The following PCNX2 variants were observed in gnomAD, a reference collection of about 807,000 sequenced individuals.
PCNX2 encodes the protein pecanex-like protein 2.
In PCNX2, 168 loss-of-function variants were observed where a neutral mutation model predicts 223.8. The observed-to-expected ratio is 0.75, with a 90% confidence interval of 0.66 to 0.85. The LOEUF is 0.85. PCNX2 is among the 40% of genes least tolerant of loss of function. The pLI is 0.00. For synonymous variants in PCNX2, 1,006 were observed against 1,052.6 expected (o/e 0.96, Z 0.86); for missense variants, 2,507 against 2,675.5 (o/e 0.94, Z 1.39).
At chr1:233,289,792 C>T (rs1291540371) in intron 1 of PCNX2, among the ~76,000 whole-genome samples, 1 of 150,292 alleles carries the variant, frequency 6.7e-6, no homozygotes, top group Non-Finnish European at 1.5e-5. Context: ...ACAGAGGTAA[C>T]CTTTTGAGAA....
At chr1:233,292,602 C>T (rs185565406) in intron 1 of PCNX2, among the ~76,000 whole-genome samples, 10 of 152,254 alleles carry the variant, frequency 6.6e-5, no homozygotes, top group African/African-American at 9.6e-5. Flanking sequence ...TGTCAGTAAG[C>T]AGTCAGGTAT....
At chr1:233,053,319 C>G (rs1672073299) in intron 25 of PCNX2, among the ~76,000 whole-genome samples, 1 of 152,062 alleles carries the variant, frequency 6.6e-6, no homozygotes, top group Non-Finnish European at 1.5e-5. Context: ...GTATCAGTCC[C>G]TGCACTGGGG....
chr1:233,275,913 C>G lies in PCNX2; in HGVS notation c.154-12750G>C, dbSNP rs190241000. Among the ~76,000 whole-genome samples, 141 of 152,008 alleles carry G rather than the reference C, an allele frequency of 9.3e-4. 1 individual carries two copies. The highest frequency in any genetic ancestry group is 3.2e-3 in the African/African-American group (133 of 41,466). On this transcript the variant is annotated intron_variant, in intron 1 of 33. Transcript: ENST00000258229. ...GGCATGGTGGTGTGTGCCTGTAATC[C>G]CAGCTAATCAGAAGGCTGAGGCAGG...
intron 25 of PCNX2, among the ~76,000 whole-genome samples, chr1:233,030,952 C>T (rs1387990380): frequency 6.6e-6 from 1 of 152,204 alleles, no homozygotes; most frequent in Non-Finnish European, 1.5e-5. Context: ...AGTCCACATA[C>T]TTCAGCAGCC....
chr1:233,252,511 T>C lies in PCNX2; in HGVS notation c.1983-12A>G, dbSNP rs777316226. On this transcript the variant is annotated splice_polypyrimidine_tract_variant and intron_variant, in intron 6 of 33. Coordinates refer to ENST00000258229, the MANE Select transcript of PCNX2 (RefSeq NM_014801.4). Reference sequence around the variant, plus strand: ...TATTGCCCTGAAAACTTAACACATATAAAAGTTTCAAAAAAAATGATTAGA... The same window carrying C: ...TATTGCCCTGAAAACTTAACACATACAAAAGTTTCAAAAAAAATGATTAGA... The C allele has an allele frequency of 6.3e-7, 1 of 1,590,144 alleles. No individual in the cohort carries two copies. Among genetic ancestry groups the C allele is most frequent in the South Asian group, 1.1e-5 (1 of 88,208 alleles).
intron 25 of PCNX2, among the ~76,000 whole-genome samples, chr1:233,040,027 T>C (rs887777603): frequency 6.6e-6 from 1 of 152,174 alleles, no homozygotes; most frequent in African/African-American, 2.4e-5. Context: ...CACAAGGAAA[T>C]ACTGAGAAAT....
At chr1:233,035,981 T>A in intron 25 of PCNX2, among the ~76,000 whole-genome samples, 1 of 152,268 alleles carries the variant, frequency 6.6e-6, no homozygotes, top group Non-Finnish European at 1.5e-5. Context: ...AATTCTAAAT[T>A]TGTATTGCCT....
At chr1:233,237,115 T>G in intron 8 of PCNX2, 135 bp from the exon 9 acceptor site, 1 of 1,121,442 alleles carries the variant, frequency 8.9e-7, no homozygotes. Flanking sequence ...ACATAAACAG[T>G]TAAGAGTTTA....
intron 15 of PCNX2, among the ~76,000 whole-genome samples, chr1:233,194,861 C>T (rs966945184): frequency 2.6e-5 from 4 of 151,676 alleles, no homozygotes; most frequent in Non-Finnish European, 4.4e-5. Flanking sequence ...CTAAAAAATA[C>T]AAAAAATTAA....
chr1:233,154,313 C>CTCA (rs571352396), intron 19 of PCNX2, among the ~76,000 whole-genome samples: 1 of 152,196 alleles, frequency 6.6e-6, no homozygotes, highest in Non-Finnish European at 1.5e-5. Flanking sequence ...ATCTCCTGAC[C>CTCA]TCATGGTCCA....
intron 15 of PCNX2, among the ~76,000 whole-genome samples, chr1:233,181,498 GT>G (rs1397222619): frequency 1.3e-5 from 2 of 152,100 alleles, no homozygotes; most frequent in Non-Finnish European, 2.9e-5. Context: ...TACCCGGCCA[GT>G]TGCTGACATC....
At chr1:233,132,750 T>C (rs1676572333) in intron 21 of PCNX2, among the ~76,000 whole-genome samples, 1 of 152,236 alleles carries the variant, frequency 6.6e-6, no homozygotes, top group South Asian at 2.1e-4. Context: ...TTCAGTTATA[T>C]TGACAAATCC....
At chr1:233,282,776 T>C (rs978864536) in intron 1 of PCNX2, among the ~76,000 whole-genome samples, 1 of 152,220 alleles carries the variant, frequency 6.6e-6, no homozygotes, top group African/African-American at 2.4e-5. Flanking sequence ...TTTGATAAAG[T>C]AATTCAGCAT....
intron 17 of PCNX2, among the ~76,000 whole-genome samples, chr1:233,177,524 GC>G (rs1225102709): frequency 1.3e-5 from 2 of 152,174 alleles, no homozygotes; most frequent in African/African-American, 4.8e-5. Flanking sequence ...AAAACTGCTG[GC>G]GAGTGTACCC....
At chr1:233,273,778 T>A (rs1572187088) in intron 1 of PCNX2, among the ~76,000 whole-genome samples, 1 of 151,974 alleles carries the variant, frequency 6.6e-6, no homozygotes, top group Non-Finnish European at 1.5e-5. Flanking sequence ...CGCCTGCCAC[T>A]ACGCCCAGCT....
intron 19 of PCNX2, among the ~76,000 whole-genome samples, chr1:233,145,047 C>G (rs1451352006): frequency 2.0e-5 from 3 of 151,014 alleles, no homozygotes; most frequent in Non-Finnish European, 2.9e-5. Flanking sequence ...TCACTGCAAG[C>G]TCCGTCTCCC....
At chr1:233,259,640 C>T (rs976655195) in intron 4 of PCNX2, among the ~76,000 whole-genome samples, 4 of 152,020 alleles carry the variant, frequency 2.6e-5, no homozygotes, top group Non-Finnish European at 5.9e-5. Flanking sequence ...CCACCTCTGA[C>T]AGGCCCCAGT....
intron 13 of PCNX2, among the ~76,000 whole-genome samples, chr1:233,200,654 G>C (rs1177735023): frequency 1.3e-5 from 2 of 151,910 alleles, no homozygotes; most frequent in African/African-American, 4.8e-5. Context: ...TCTTCAGTTT[G>C]AAAGAGTAGA....
chr1:233,176,580 A>C (rs965282411), intron 17 of PCNX2, among the ~76,000 whole-genome samples: 2 of 152,248 alleles, frequency 1.3e-5, no homozygotes, highest in African/African-American at 4.8e-5. Context: ...ACAAGCTTTC[A>C]TTTGTGCAGA....
Sources: gnomAD v4.1 joint callset for allele counts (sites outside exome capture counted in the v4.1 genomes callset) on GRCh38, gnomAD v4.1.1 for gene constraint, MANE v1.5 for transcripts, NCBI Gene and HGNC (gene_info 2026-07-23, HGNC 2026-07-21) for gene names.